Variants in KHDC1L observed in about 807,000 individuals in gnomAD.
KHDC1L encodes the protein KHDC1-like protein.
A neutral mutation model predicts 11.2 loss-of-function variants in KHDC1L; 5 were observed. The ratio of observed to expected loss-of-function variants is 0.45; its 90% CI spans 0.23 to 0.94. The LOEUF is 0.94. KHDC1L is among the 40% of genes least tolerant of loss of function. KHDC1L has a pLI of 0.22. For missense variants in KHDC1L, 168 were observed against 165.8 expected (o/e 1.01, Z -0.07); for synonymous variants, 66 against 62.7 (o/e 1.05, Z -0.25).
At position 73,223,849 on chromosome 6, in the gene KHDC1L, A is replaced by C. The variant is rs545167843; in HGVS notation, c.296-10T>G. Reference sequence around the variant, plus strand: ...TCTAGCATCTTCAGACCTGCAAAAGAATTGCCTGGAGCTGAAGAACCAGAG... The same window carrying C: ...TCTAGCATCTTCAGACCTGCAAAAGCATTGCCTGGAGCTGAAGAACCAGAG... On this transcript the variant is annotated splice_polypyrimidine_tract_variant and intron_variant, in intron 2 of 2. Transcript: ENST00000370388. 1.3e-4 allele frequency: 209 copies of C among 1,572,874 alleles called. 2 individuals are homozygous for C. In the South Asian group the frequency reaches 1.8e-3, roughly 14 times the overall value.
chr6:73,224,039 G>C, intron 2 of KHDC1L, 127 bp downstream of exon 2: 1 of 1,187,976 alleles, frequency 8.4e-7, no homozygotes. Context: ...CTTCCCAATG[G>C]ACTCTGGGAA....
chr6:73,225,413 T>G lies in KHDC1L; in HGVS notation c.-5A>C. ...AGCACTCGTTCCCACGGCCATGCTGTGCTCCCACCTGATTCAGAATAGGGG... is the reference window on the plus strand; with the variant it reads ...AGCACTCGTTCCCACGGCCATGCTGGGCTCCCACCTGATTCAGAATAGGGG... On this transcript the variant is annotated 5_prime_UTR_variant, in exon 1 of 3. Coordinates refer to ENST00000370388, the MANE Select transcript of KHDC1L (RefSeq NM_001126063.3). 1 of 1,607,148 alleles carries G rather than the reference T, an allele frequency of 6.2e-7. No individual in the cohort carries two copies. Among genetic ancestry groups the G allele is most frequent in the Non-Finnish European group, 8.5e-7 (1 of 1,173,908 alleles).
At chr6:73,224,967 C>T (rs1766334606) in intron 1 of KHDC1L, among the ~76,000 whole-genome samples, 1 of 150,550 alleles carries the variant, frequency 6.6e-6, no homozygotes, top group Admixed American at 6.7e-5. Context: ...CCTGTAGTCC[C>T]AGCTGTTCTG....
chr6:73,223,744 G>C lies in KHDC1L; in HGVS notation c.*4C>G. 6.2e-7 allele frequency: 1 copy of C among 1,600,474 alleles called. No individual in the cohort carries two copies. ...CTCCTCTCATCCCCTCTTCCCAGGGGAGATCAGTCTCCGGTGTACGGTGGC... is the reference window on the plus strand; with the variant it reads ...CTCCTCTCATCCCCTCTTCCCAGGGCAGATCAGTCTCCGGTGTACGGTGGC... On this transcript the variant is annotated 3_prime_UTR_variant, in exon 3 of 3. Coordinates refer to ENST00000370388, the MANE Select transcript of KHDC1L (RefSeq NM_001126063.3).
chr6:73,223,625 G>A lies in KHDC1L; in HGVS notation c.*123C>T. On this transcript the variant is annotated 3_prime_UTR_variant, in exon 3 of 3. Coordinates refer to ENST00000370388, the MANE Select transcript of KHDC1L (RefSeq NM_001126063.3). ...CTCAGGAGACTTCCCTCAGACACAT[G>A]CCTAGAAGGCCTGAGAGGGGCAGGT... 1 of 719,544 alleles carries A rather than the reference G, an allele frequency of 1.4e-6. No individual in the cohort carries two copies. Among genetic ancestry groups the A allele is most frequent in the Non-Finnish European group, 2.4e-6 (1 of 422,420 alleles). 44.6% of individuals were successfully genotyped at this position (719,544 alleles called of 1,614,324 possible).
chr6:73,223,672 C>T lies in KHDC1L; in HGVS notation c.*76G>A, dbSNP rs969154307. 7.9e-7 allele frequency: 1 copy of T among 1,266,610 alleles called. No homozygotes were observed. Among genetic ancestry groups the T allele is most frequent in the Non-Finnish European group, 1.1e-6 (1 of 894,762 alleles). 78.5% of individuals were successfully genotyped at this position (1,266,610 alleles called of 1,614,324 possible). A position where few individuals can be genotyped will look rare whatever the true frequency, so the allele number is the denominator to read the frequency against. On this transcript the variant is annotated 3_prime_UTR_variant, in exon 3 of 3. Coordinates refer to ENST00000370388, the MANE Select transcript of KHDC1L (RefSeq NM_001126063.3). The stretch of plus-strand genomic sequence containing the variant: ...AGGTCTGGCCACAAATTCAAACTTT[C>T]TTCAGTGTTTTTCATGTCTTTCTCA...
intron 2 of KHDC1L, 94 bp downstream of exon 2, chr6:73,224,072 C>G: frequency 1.5e-5 from 21 of 1,395,564 alleles, no homozygotes; most frequent in Non-Finnish European, 1.9e-5. Flanking sequence ...CCCAGCCACA[C>G]AAGGGATTCT....
At position 73,223,758 on chromosome 6, in the gene KHDC1L, G is replaced by T. The variant is rs532171095; in HGVS notation, c.377C>A (p.Thr126Asn). 1.0e-4 allele frequency: 166 copies of T among 1,605,812 alleles called. No individual in the cohort carries two copies. The highest frequency in any genetic ancestry group is 1.4e-4 in the Non-Finnish European group (161 of 1,176,230). Residue 126 changes from threonine (T) to asparagine (N), a missense_variant, in exon 3 of 3, where the codon ACC becomes AAC. By Grantham distance (65) the Thr-to-Asn change is moderately conservative (BLOSUM62 0). Coordinates refer to ENST00000370388, the MANE Select transcript of KHDC1L (RefSeq NM_001126063.3). ...LVTSVSLPPY[T>N]GD ...TCTTCCCAGGGGAGATCAGTCTCCG[G>T]TGTACGGTGGCAGGCTAACGGAGGT... is the stretch of plus-strand genomic sequence containing the variant.
chr6:73,225,265 T>G (rs368862849), intron 1 of KHDC1L, 32 bp downstream of exon 1: 18 of 1,588,268 alleles, frequency 1.1e-5, no homozygotes, highest in Non-Finnish European at 1.5e-5. Flanking sequence ...AAAAAACAGA[T>G]GAAGGAGGGG....
Position 73,224,228 on chromosome 6 carries a change from T to C in KHDC1L, c.233A>G (p.Lys78Arg), listed in dbSNP as rs1023272268. Residue 78 changes from lysine (K) to arginine (R), a missense_variant, in exon 2 of 3, where the codon AAG becomes AGG. Transcript: ENST00000370388. ...RVTVVGPPMA[K>R]QWLLLMFHCV... ...ATGGAACATGAGCAGCAGCCACTGC[T>C]TTGCCATTGGTGGTCCGACTACAGT... 1 of 1,578,370 alleles carries C rather than the reference T, an allele frequency of 6.3e-7. No homozygotes were observed. Among genetic ancestry groups the C allele is most frequent in the Non-Finnish European group, 8.6e-7 (1 of 1,161,204 alleles).
Position 73,223,733 on chromosome 6 carries a change from T to C in KHDC1L, c.*15A>G. 2 of 1,590,206 alleles carry C rather than the reference T, an allele frequency of 1.3e-6. No individual in the cohort carries two copies. Among genetic ancestry groups the C allele is most frequent in the Non-Finnish European group, 1.7e-6 (2 of 1,166,552 alleles). ...AGCCAAGACTTCTCCTCTCATCCCCTCTTCCCAGGGGAGATCAGTCTCCGG... is the reference window on the plus strand; with the variant it reads ...AGCCAAGACTTCTCCTCTCATCCCCCCTTCCCAGGGGAGATCAGTCTCCGG... On this transcript the variant is annotated 3_prime_UTR_variant, in exon 3 of 3. Coordinates refer to ENST00000370388, the MANE Select transcript of KHDC1L (RefSeq NM_001126063.3).
chr6:73,225,431 A>C lies in KHDC1L; in HGVS notation c.-23T>G. ...CATGCTGTGCTCCCACCTGATTCAG[A>C]ATAGGGGAAAGTCTAACAAACTGGT... On this transcript the variant is annotated 5_prime_UTR_variant, in exon 1 of 3. It adds an upstream start codon to the 5' untranslated region. Coordinates refer to ENST00000370388, the MANE Select transcript of KHDC1L (RefSeq NM_001126063.3). 7.6e-6 allele frequency: 12 copies of C among 1,569,906 alleles called. No homozygotes were observed. Among genetic ancestry groups the C allele is most frequent in the Non-Finnish European group, 1.1e-5 (12 of 1,140,598 alleles).
rs1226347143 is a variant in KHDC1L, at chr6:73,223,599, A to T, written c.*149T>A. 1 of 628,748 alleles carries T rather than the reference A, an allele frequency of 1.6e-6. No homozygotes were observed. 38.9% of individuals were successfully genotyped at this position (628,748 alleles called of 1,614,324 possible). On this transcript the variant is annotated 3_prime_UTR_variant, in exon 3 of 3. Coordinates refer to ENST00000370388, the MANE Select transcript of KHDC1L (RefSeq NM_001126063.3). ...TTGCTTTGCCAATAACACTTCTAAC[A>T]CTCAGGAGACTTCCCTCAGACACAT...
At chr6:73,225,250 A>C in intron 1 of KHDC1L, 47 bp downstream of exon 1, 1 of 1,549,382 alleles carries the variant, frequency 6.5e-7, no homozygotes, top group South Asian at 1.2e-5. Flanking sequence ...CAAAAAAATA[A>C]AAATAAAAAA....
At position 73,225,495 on chromosome 6, in the gene KHDC1L, C is replaced by CTGTCCTTAAAAAGGGT. The variant is rs1766350691; in HGVS notation, c.-88_-87insACCCTTTTTAAGGACA. On this transcript the variant is annotated 5_prime_UTR_variant, in exon 1 of 3. Transcript: ENST00000370388. The stretch of plus-strand genomic sequence containing the variant: ...GGAAAAGCGAGGAAGGGCCTAGGCT[C>CTGTCCTTAAAAAGGGT]TGTCCTTAAAAAGGGTTGTCCTTAA... 1 of 954,036 alleles carries CTGTCCTTAAAAAGGGT rather than the reference C, an allele frequency of 1.0e-6. No individual in the cohort carries two copies. Among genetic ancestry groups the CTGTCCTTAAAAAGGGT allele is most frequent in the Middle Eastern group, 2.1e-4 (1 of 4,708 alleles). The allele number at this position is 954,036 out of a possible 1,614,324, so 59.1% of individuals were successfully genotyped here. A position where few individuals can be genotyped will look rare whatever the true frequency, so the allele number is the denominator to read the frequency against.
rs766959824 is a variant in KHDC1L at position 73,224,309 on chromosome 6, C to T, written c.152G>A (p.Ser51Asn). The T allele has an allele frequency of 6.3e-7, 1 of 1,597,602 alleles. No homozygotes were observed. The highest frequency in any genetic ancestry group is 1.1e-5 in the South Asian group (1 of 87,772). The change falls in exon 2 of 3, where the codon AGC (serine) becomes AAC (asparagine). Residue 51 changes from serine to asparagine, a missense_variant. Coordinates refer to ENST00000370388, the MANE Select transcript of KHDC1L (RefSeq NM_001126063.3). Reference sequence around the variant, plus strand: ...CCTCTCCAGCTGAATAAGGGTGTGGCTGTGCAGCTCAATGCAGCGAAGGTA... The same window carrying T: ...CCTCTCCAGCTGAATAAGGGTGTGGTTGTGCAGCTCAATGCAGCGAAGGTA... ...DTYLRCIELH[S>N]HTLIQLERCF...
At position 73,225,328 on chromosome 6, in the gene KHDC1L, G is replaced by T. The variant is rs1014247683; in HGVS notation, c.81C>A (p.His27Gln). ...PENFHSPMVFHMEEDQEELIF... is the reference protein window; with the variant it reads ...PENFHSPMVFQMEEDQEELIF... ...TGAGCTCCTCCTGGTCCTCTTCCAT[G>T]TGGAACACCATTGGAGAATGAAAGT... The change falls in exon 1 of 3, where the codon CAC (histidine) becomes CAA (glutamine). Residue 27 changes from histidine to glutamine, a missense_variant. Physicochemically the swap from His to Gln is conservative, Grantham distance 24. Transcript: ENST00000370388. 1 of 1,613,930 alleles carries T rather than the reference G, an allele frequency of 6.2e-7. No homozygotes were observed. Among genetic ancestry groups the T allele is most frequent in the Non-Finnish European group, 8.5e-7 (1 of 1,179,972 alleles).
chr6:73,224,683 G>GGT (rs1358987311), intron 1 of KHDC1L, among the ~76,000 whole-genome samples: 1 of 146,874 alleles, frequency 6.8e-6, no homozygotes, highest in African/African-American at 2.5e-5. Context: ...GGCTGCGGCA[G>GGT]GAGAATGGCG....
chr6:73,223,608 A>G lies in KHDC1L; in HGVS notation c.*140T>C. ...CAATAACACTTCTAACACTCAGGAGACTTCCCTCAGACACATGCCTAGAAG... is the reference window on the plus strand; with the variant it reads ...CAATAACACTTCTAACACTCAGGAGGCTTCCCTCAGACACATGCCTAGAAG... On this transcript the variant is annotated 3_prime_UTR_variant, in exon 3 of 3. Transcript: ENST00000370388. The G allele has an allele frequency of 4.6e-6, 3 of 646,322 alleles. No individual in the cohort carries two copies. The highest frequency in any genetic ancestry group is 8.2e-6 in the Non-Finnish European group (3 of 366,664). 40.0% of individuals were successfully genotyped at this position (646,322 alleles called of 1,614,324 possible).
Sources: allele counts gnomAD v4.1 joint callset (sites outside exome capture counted in the v4.1 genomes callset), GRCh38; gene constraint gnomAD v4.1.1; transcripts MANE v1.5; gene names NCBI Gene and HGNC (gene_info 2026-07-23, HGNC 2026-07-21).